Variants in FAM219B observed in about 807,000 individuals in gnomAD.
FAM219B encodes the protein family with sequence similarity 219 member B.
Under a neutral mutation model 19.9 loss-of-function variants are expected in FAM219B, and 18 were observed. That is an observed-to-expected ratio of 0.91 (90% confidence interval 0.63 to 1.34). The LOEUF (loss-of-function observed/expected upper bound fraction) is 1.34, where lower values mean the gene tolerates loss of function less well. Ranked by LOEUF, FAM219B falls within the 40% of genes most tolerant of loss-of-function variation. The pLI, the probability that FAM219B is intolerant of heterozygous loss-of-function variation, is 0.00. For missense variants in FAM219B, 283 were observed against 270.5 expected (o/e 1.05, Z -0.32); for synonymous variants, 123 against 117.5 (o/e 1.05, Z -0.30).
intron 4 of FAM219B, among the ~76,000 whole-genome samples, chr15:74,903,177 G>C (rs1181046851): frequency 2.6e-5 from 4 of 152,194 alleles, no homozygotes; most frequent in Admixed American, 2.0e-4. Context: ...AGTAGAGCAT[G>C]GGTTACAGTG....
rs944284397 is a variant in FAM219B at position 74,901,898 on chromosome 15, A to T, written c.*721T>A. ...ACAAATAAATAAATATGAACATGTC[A>T]GAGCAGTTTTTCTCTAACTAGGGAA... On this transcript the variant is annotated 3_prime_UTR_variant, in exon 5 of 5. Coordinates refer to ENST00000357635, the MANE Select transcript of FAM219B (RefSeq NM_020447.5). 1.5e-5 allele frequency: 6 copies of T among 390,858 alleles called. No individual in the cohort carries two copies. The highest frequency in any genetic ancestry group is 1.2e-4 in the African/African-American group (6 of 48,558). 24.2% of individuals were successfully genotyped at this position (390,858 alleles called of 1,614,324 possible).
chr15:74,902,838 C>A lies in FAM219B; in HGVS notation c.430-52G>T. 1.9e-6 allele frequency: 3 copies of A among 1,558,694 alleles called. No homozygotes were observed. The South Asian group carries it at 3.7e-5, about 19-fold the overall frequency. ...AGGCCAAGATGCAAAGCAGAAGTAACTGCTACCCAAAAGACAGAACCACAT... is the reference window on the plus strand; with the variant it reads ...AGGCCAAGATGCAAAGCAGAAGTAAATGCTACCCAAAAGACAGAACCACAT... On this transcript the variant is annotated intron_variant, in intron 4 of 4. Transcript: ENST00000357635.
chr15:74,905,200 G>C lies in FAM219B; in HGVS notation c.334C>G (p.Leu112Val). 3 of 1,614,040 alleles carry C rather than the reference G, an allele frequency of 1.9e-6. No individual in the cohort carries two copies. Among genetic ancestry groups the C allele is most frequent in the Non-Finnish European group, 1.7e-6 (2 of 1,179,964 alleles). The change falls in exon 3 of 5, where the codon CTT becomes GTT. Residue 112 changes from leucine to valine, a missense_variant. Transcript: ENST00000357635. ...AGGTTTTCATCTGGACTCTGGCTAAGAGCAGTATAGCCCTTGTTAAACTTC... is the reference window on the plus strand; with the variant it reads ...AGGTTTTCATCTGGACTCTGGCTAACAGCAGTATAGCCCTTGTTAAACTTC... ...SVKFNKGYTA[L>V]SQSPDENLVS... is the part of the protein sequence containing the mutation.
chr15:74,905,500 T>C, intron 2 of FAM219B: 1 of 348,262 alleles, frequency 2.9e-6, no homozygotes, highest in South Asian at 2.6e-5. Flanking sequence ...CTCGGCTCAC[T>C]GCAATCTCCG....
At position 74,902,798 on chromosome 15, in the gene FAM219B, A is replaced by C. The variant is rs778981982; in HGVS notation, c.430-12T>G. On this transcript the variant is annotated splice_polypyrimidine_tract_variant and intron_variant, in intron 4 of 4. Coordinates refer to ENST00000357635, the MANE Select transcript of FAM219B (RefSeq NM_020447.5). ...TCCTGGTTCACCTGCTAAGAGAAGGAGAGGAGGGAACTATAGGCCAAGATG... is the reference window on the plus strand; with the variant it reads ...TCCTGGTTCACCTGCTAAGAGAAGGCGAGGAGGGAACTATAGGCCAAGATG... 1.1e-5 allele frequency: 17 copies of C among 1,601,390 alleles called. No individual in the cohort carries two copies. Among genetic ancestry groups the C allele is most frequent in the East Asian group, 2.2e-5 (1 of 44,528 alleles).
chr15:74,904,352 C>T (rs1009760278), intron 4 of FAM219B, among the ~76,000 whole-genome samples: 1 of 152,288 alleles, frequency 6.6e-6, no homozygotes, highest in Non-Finnish European at 1.5e-5. Context: ...GGTCTTGGAA[C>T]TCCTGGGCTC....
In FAM219B at chr15:74,900,790, C is replaced by T. The variant is rs1567274094; in HGVS notation, c.*1829G>A. On this transcript the variant is annotated 3_prime_UTR_variant, in exon 5 of 5. Coordinates refer to ENST00000357635, the MANE Select transcript of FAM219B (RefSeq NM_020447.5). ...TTCCCAAGACCCCAAGCTGGCATGACTCTGGTCTCTGTCCTATCTCTCTGC... is the reference window on the plus strand; with the variant it reads ...TTCCCAAGACCCCAAGCTGGCATGATTCTGGTCTCTGTCCTATCTCTCTGC... The T allele has an allele frequency of 6.6e-6, 1 of 152,292 alleles. No homozygotes were observed. Among genetic ancestry groups the T allele is most frequent in the East Asian group, 1.9e-4 (1 of 5,202 alleles). 9.4% of individuals were successfully genotyped at this position (152,292 alleles called of 1,614,324 possible).
At position 74,904,783 on chromosome 15, in the gene FAM219B, A is replaced by G. The variant is rs1430514578; in HGVS notation, c.381-71T>C. The G allele has an allele frequency of 6.3e-6, 10 of 1,593,158 alleles. No homozygotes were observed. In the East Asian group the frequency reaches 2.2e-4, roughly 36 times the overall value. On this transcript the variant is annotated intron_variant, in intron 3 of 4. Coordinates refer to ENST00000357635, the MANE Select transcript of FAM219B (RefSeq NM_020447.5). ...CACAGCTGTAAATCATCAGGCGGAGAGCATGCAAGGGCATCTGGAAGACTT... is the reference window on the plus strand; with the variant it reads ...CACAGCTGTAAATCATCAGGCGGAGGGCATGCAAGGGCATCTGGAAGACTT...
At chr15:74,905,311 TGAAGGA>T in intron 2 of FAM219B, 80 bp from the exon 3 acceptor site, 6 of 1,419,162 alleles carry the variant, frequency 4.2e-6, no homozygotes, top group Non-Finnish European at 5.9e-6. Flanking sequence ...GTCCTCGCCC[TGAAGGA>T]GAAAGAATTG....
chr15:74,898,443 G>A (rs1164219308), downstream of FAM219B: 1 of 163,964 alleles, frequency 6.1e-6, no homozygotes, highest in African/African-American at 2.4e-5. Flanking sequence ...GCAGGCCTTG[G>A]GTCTGCCCAG....
chr15:74,906,165 T>C (rs972803520), intron 2 of FAM219B, 113 bp downstream of exon 2: 4 of 1,018,400 alleles, frequency 3.9e-6, no homozygotes, highest in African/African-American at 1.6e-5. Flanking sequence ...ACCTGACAGG[T>C]TGCATCAGGG....
rs988787831 is a variant in FAM219B, at chr15:74,901,809, A to C, written c.*810T>G. ...ACTGCAGGCTTCTGGGGCCAGCCCC[A>C]GTACCTTCGACCTAATCTTTAGCTC... On this transcript the variant is annotated 3_prime_UTR_variant, in exon 5 of 5. Transcript: ENST00000357635. The C allele has an allele frequency of 3.4e-6, 1 of 298,262 alleles. No homozygotes were observed. The highest frequency in any genetic ancestry group is 6.1e-6 in the Non-Finnish European group (1 of 163,924). The allele number at this position is 298,262 out of a possible 1,614,324, so 18.5% of individuals were successfully genotyped here.
In FAM219B at chr15:74,906,359, T is replaced by C; in HGVS notation, c.221A>G (p.His74Arg). The change falls in exon 2 of 5, where the codon CAC (histidine) becomes CGC (arginine). Residue 74 changes from histidine to arginine, a missense_variant. His to Arg is a conservative substitution (Grantham distance 29). Coordinates refer to ENST00000357635, the MANE Select transcript of FAM219B (RefSeq NM_020447.5). Reference sequence around the variant, plus strand: ...CAGAACGGCCTTGGCCAGGTCCCGGTGCTTCTCTGGAAGTTAAAGGACCCG... The same window carrying C: ...CAGAACGGCCTTGGCCAGGTCCCGGCGCTTCTCTGGAAGTTAAAGGACCCG... ...APSIQAKLQK[H>R]RDLAKAVLRR... is the part of the protein sequence containing the mutation. 2.5e-6 allele frequency: 4 copies of C among 1,610,962 alleles called. No individual in the cohort carries two copies. Among genetic ancestry groups the C allele is most frequent in the Non-Finnish European group, 3.4e-6 (4 of 1,178,928 alleles).
chr15:74,897,977 C>T (rs1277432331), downstream of FAM219B: 20 of 558,850 alleles, frequency 3.6e-5, no homozygotes, highest in African/African-American at 1.7e-4. Context: ...CTCTACTCCT[C>T]GCTACACCTG....
At chr15:74,903,600 C>CA (rs60354993) in intron 4 of FAM219B, among the ~76,000 whole-genome samples, 730 of 45,578 alleles carry the variant, frequency 0.016, 11 homozygotes, top group Non-Finnish European at 0.019. Context: ...GACTCTGTCT[C>CA]AAAAAAAAAA....
At position 74,905,248 on chromosome 15, in the gene FAM219B, G is replaced by T; in HGVS notation, c.303-17C>A. Reference sequence around the variant, plus strand: ...TTCACTGACCTGAGGGGAGACGGGGGAGAAGAGACCAAACATAGATGAAAG... The same window carrying T: ...TTCACTGACCTGAGGGGAGACGGGGTAGAAGAGACCAAACATAGATGAAAG... On this transcript the variant is annotated splice_polypyrimidine_tract_variant and intron_variant, in intron 2 of 4. Coordinates refer to ENST00000357635, the MANE Select transcript of FAM219B (RefSeq NM_020447.5). 1 of 1,612,438 alleles carries T rather than the reference G, an allele frequency of 6.2e-7. No homozygotes were observed. The highest frequency in any genetic ancestry group is 1.1e-5 in the South Asian group (1 of 91,026).
At chr15:74,899,095 G>A (rs1280808257), downstream of FAM219B, 1 of 152,210 alleles carries the variant, frequency 6.6e-6, no homozygotes, top group Non-Finnish European at 1.5e-5. Context: ...GCGAGGAGAA[G>A]CCCAGTTAGC....
In FAM219B at chr15:74,900,941, G is replaced by A. The variant is rs2064929391; in HGVS notation, c.*1678C>T. Reference sequence around the variant, plus strand: ...GGCACTCACAGGATTACCATCGTAAGGATGGTTGTCAGACAAATAACAAAT... The same window carrying A: ...GGCACTCACAGGATTACCATCGTAAAGATGGTTGTCAGACAAATAACAAAT... On this transcript the variant is annotated 3_prime_UTR_variant, in exon 5 of 5. Coordinates refer to ENST00000357635, the MANE Select transcript of FAM219B (RefSeq NM_020447.5). The A allele has an allele frequency of 6.6e-6, 1 of 152,190 alleles. No homozygotes were observed. Among genetic ancestry groups the A allele is most frequent in the African/African-American group, 2.4e-5 (1 of 41,444 alleles). The allele number at this position is 152,190 out of a possible 1,614,324, so 9.4% of individuals were successfully genotyped here.
rs1424953382 is a variant in FAM219B at position 74,901,124 on chromosome 15, C to T, written c.*1495G>A. 2 of 152,138 alleles carry T rather than the reference C, an allele frequency of 1.3e-5. No individual in the cohort carries two copies. Among genetic ancestry groups the T allele is most frequent in the Non-Finnish European group, 1.5e-5 (1 of 68,064 alleles). The allele number at this position is 152,138 out of a possible 1,614,324, so 9.4% of individuals were successfully genotyped here. ...CCATGTAGAACCTATACCCCAATCC[C>T]GACTATTGGGCTGGGAACCCTGTCT... is the stretch of plus-strand genomic sequence containing the variant. On this transcript the variant is annotated 3_prime_UTR_variant, in exon 5 of 5. Coordinates refer to ENST00000357635, the MANE Select transcript of FAM219B (RefSeq NM_020447.5).
Sources: allele counts gnomAD v4.1 joint callset (sites outside exome capture counted in the v4.1 genomes callset), GRCh38; gene constraint gnomAD v4.1.1; transcripts MANE v1.5; gene names NCBI Gene and HGNC (gene_info 2026-07-23, HGNC 2026-07-21).